The following PHF24 variants were observed in gnomAD, a reference collection of about 807,000 sequenced individuals.
The protein encoded by PHF24 is PHD finger protein 24.
Under a neutral mutation model 42.6 loss-of-function variants are expected in PHF24, and 25 were observed. The observed-to-expected ratio is 0.59, with a 90% CI of 0.43 to 0.82. PHF24 has a LOEUF of 0.82. Ranked by LOEUF, PHF24 falls within the 40% of genes least tolerant of loss-of-function variation. The probability of loss-of-function intolerance (pLI) is 0.00; values close to 1 mark genes in which losing one functional copy is unlikely to be tolerated. For synonymous variants in PHF24, 185 were observed against 204.8 expected (o/e 0.90, Z 0.83); for missense variants, 470 against 538.1 (o/e 0.87, Z 1.25).
At chr9:34,918,792 T>C in the PHF24 span, among the ~76,000 whole-genome samples, 6 of 152,188 alleles carry the variant, frequency 3.9e-5, no homozygotes, top group African/African-American at 1.4e-4. Flanking sequence ...CACTAAACAA[T>C]TGTAGTTTTC....
the PHF24 span, among the ~76,000 whole-genome samples, chr9:34,909,683 G>A: frequency 2.0e-5 from 3 of 150,922 alleles, no homozygotes; most frequent in South Asian, 4.2e-4. Flanking sequence ...GTGCAGTGGC[G>A]CGATCTCGGC....
At chr9:34,730,716 T>G in the PHF24 span, among the ~76,000 whole-genome samples, 1 of 152,216 alleles carries the variant, frequency 6.6e-6, no homozygotes, top group South Asian at 2.1e-4. Context: ...AGAGAAATCA[T>G]AGTGAGGATC....
At chr9:34,927,693 C>T in the PHF24 span, among the ~76,000 whole-genome samples, 29,849 of 151,994 alleles carry the variant, frequency 0.2, 3,062 homozygotes, top group South Asian at 0.25. Context: ...CTATAGAGGC[C>T]CAGTGCTTCC....
At chr9:34,902,857 G>T in the PHF24 span, among the ~76,000 whole-genome samples, 81,620 of 151,946 alleles carry the variant, frequency 0.54, 22,216 homozygotes, top group Middle Eastern at 0.62. Context: ...AATCTCTGTG[G>T]ATAATATTAT....
the PHF24 span, among the ~76,000 whole-genome samples, chr9:34,770,660 A>G: frequency 6.6e-6 from 1 of 152,152 alleles, no homozygotes; most frequent in Non-Finnish European, 1.5e-5. Context: ...CACCAGAAAG[A>G]TATAGAAGAA....
At chr9:34,849,918 T>C in the PHF24 span, among the ~76,000 whole-genome samples, 37 of 152,288 alleles carry the variant, frequency 2.4e-4, no homozygotes, top group African/African-American at 8.7e-4. Context: ...TTAAGAATGT[T>C]GAATATTGGC....
chr9:34,953,538 A>G (rs1448331420), upstream of PHF24, among the ~76,000 whole-genome samples: 3 of 152,212 alleles, frequency 2.0e-5, no homozygotes, highest in South Asian at 2.1e-4. The surrounding 1 kb of genome is among the most constrained non-coding windows in gnomAD (Gnocchi z 4.1). Flanking sequence ...CAGTGAAGAT[A>G]CAAGCTCTGA....
chr9:34,710,983 C>T, the PHF24 span, among the ~76,000 whole-genome samples: 531 of 152,190 alleles, frequency 3.5e-3, 1 homozygote, highest in Non-Finnish European at 5.7e-3. Flanking sequence ...TAGTTATTTT[C>T]CTAATGGATA....
the PHF24 span, among the ~76,000 whole-genome samples, chr9:34,936,720 C>T: frequency 2.0e-5 from 3 of 148,562 alleles, no homozygotes; most frequent in Admixed American, 6.6e-5. Context: ...TCTGCCCCAC[C>T]GCCCCGTCTG....
the PHF24 span, chr9:34,709,501 T>G: frequency 8.7e-6 from 14 of 1,613,884 alleles, no homozygotes; most frequent in Non-Finnish European, 1.1e-5. Context: ...ATTCCTCACC[T>G]CTTGCAGCCT....
chr9:34,957,810 CACCCGG>C (rs1362756394), upstream of PHF24: 1 of 152,258 alleles, frequency 6.6e-6, no homozygotes, highest in Non-Finnish European at 1.5e-5. Context: ...TGGCGGCATC[CACCCGG>C]ACCCCGCCTT....
At chr9:34,854,899 G>T in the PHF24 span, among the ~76,000 whole-genome samples, 1 of 152,160 alleles carries the variant, frequency 6.6e-6, no homozygotes, top group African/African-American at 2.4e-5. Flanking sequence ...CACTATTATT[G>T]TGTGGGAGTC....
At chr9:34,886,810 C>G in the PHF24 span, among the ~76,000 whole-genome samples, 6 of 96,328 alleles carry the variant, frequency 6.2e-5, no homozygotes, top group East Asian at 2.6e-4. Context: ...ATCTATGTAT[C>G]TATCTATGTA....
chr9:34,773,769 C>T, the PHF24 span, among the ~76,000 whole-genome samples: 11 of 152,120 alleles, frequency 7.2e-5, no homozygotes, highest in South Asian at 4.1e-4. Flanking sequence ...GAGGAGCCTC[C>T]TGCAAAATAT....
chr9:34,684,409 C>T, the PHF24 span, among the ~76,000 whole-genome samples: 1 of 152,244 alleles, frequency 6.6e-6, no homozygotes, highest in Admixed American at 6.5e-5. Context: ...ATACCAGGAG[C>T]CATTTACGTA....
At chr9:34,762,254 T>C in the PHF24 span, among the ~76,000 whole-genome samples, 1 of 149,956 alleles carries the variant, frequency 6.7e-6, no homozygotes, top group African/African-American at 2.4e-5. Context: ...CAGTTCTAGA[T>C]CCCTGAGGAA....
chr9:34,763,389 G>T, the PHF24 span, among the ~76,000 whole-genome samples: 44,045 of 151,998 alleles, frequency 0.29, 6,836 homozygotes, highest in Admixed American at 0.35. Flanking sequence ...AGTGGTTGTA[G>T]TTCTCCCTGA....
In PHF24 at chr9:34,976,522, G is replaced by T; in HGVS notation, c.644-13G>T. On this transcript the variant is annotated splice_polypyrimidine_tract_variant and intron_variant, in intron 4 of 7. Transcript: ENST00000242315. ...GAAGGATGGGCATGGCTAGCACGGGGTGCCTCCCACAGATTGCTCCCTGAC... is the reference window on the plus strand; with the variant it reads ...GAAGGATGGGCATGGCTAGCACGGGTTGCCTCCCACAGATTGCTCCCTGAC... 1.2e-6 allele frequency: 2 copies of T among 1,606,800 alleles called. No homozygotes were observed. Among genetic ancestry groups the T allele is most frequent in the Non-Finnish European group, 1.7e-6 (2 of 1,174,840 alleles).
the PHF24 span, chr9:34,725,883 C>T: frequency 4.8e-5 from 75 of 1,552,122 alleles, no homozygotes; most frequent in Non-Finnish European, 6.5e-5. Flanking sequence ...TTGGGGAGGC[C>T]TTGAGATCCC....
Sources: allele counts gnomAD v4.1 joint callset (sites outside exome capture counted in the v4.1 genomes callset), GRCh38; gene constraint gnomAD v4.1.1; non-coding constraint Gnocchi (gnomAD v3.1); transcripts MANE v1.5; gene names NCBI Gene and HGNC (gene_info 2026-07-23, HGNC 2026-07-21).